The following SPAG16 variants were observed in gnomAD, a reference collection of about 807,000 sequenced individuals.
SPAG16 encodes the protein sperm associated antigen 16.
SPAG16 carries 86 observed loss-of-function variants against 80.4 expected under a neutral mutation model. The observed-to-expected ratio is 1.07, with a 90% CI of 0.90 to 1.28. The LOEUF is 1.28. Ranked by LOEUF, SPAG16 falls within the 50% of genes most tolerant of loss-of-function variation. SPAG16 has a pLI of 0.00. For missense variants in SPAG16, 870 were observed against 765.3 expected, an observed-to-expected ratio of 1.14 and a Z score of -1.61; for synonymous variants, 294 against 265.9, an observed-to-expected ratio of 1.11 and a Z score of -1.03.
intron 10 of SPAG16, among the ~76,000 whole-genome samples, chr2:213,861,798 AT>A (rs2075477295): frequency 6.6e-6 from 1 of 152,184 alleles, no homozygotes; most frequent in African/African-American, 2.4e-5. Flanking sequence ...ATAGTGCTTA[AT>A]GTGTTAATCA....
intron 9 of SPAG16, among the ~76,000 whole-genome samples, chr2:213,397,172 A>G (rs1329039430): frequency 1.3e-5 from 2 of 152,158 alleles, no homozygotes; most frequent in Non-Finnish European, 2.9e-5. Flanking sequence ...GTGCTGTTAA[A>G]CACTCACACC....
At chr2:213,303,279 A>T (rs1025204190) in intron 3 of SPAG16, among the ~76,000 whole-genome samples, 2 of 151,708 alleles carry the variant, frequency 1.3e-5, no homozygotes, top group African/African-American at 4.8e-5. Context: ...ATTTTTGAGG[A>T]TACATACTAG....
chr2:213,359,559 G>T (rs1185689717), intron 7 of SPAG16, among the ~76,000 whole-genome samples: 3 of 152,236 alleles, frequency 2.0e-5, no homozygotes, highest in African/African-American at 7.2e-5. Context: ...GCAAGGCTCT[G>T]TGGGCGTCGG....
chr2:214,125,434 GTGAGGT>G (rs763336734), intron 14 of SPAG16, among the ~76,000 whole-genome samples: 3 of 151,526 alleles, frequency 2.0e-5, no homozygotes, highest in Non-Finnish European at 4.4e-5. Context: ...TTTTGGATGT[GTGAGGT>G]TGTAACTTCG....
chr2:213,565,154 A>G (rs975915006), intron 10 of SPAG16, among the ~76,000 whole-genome samples: 1 of 152,188 alleles, frequency 6.6e-6, no homozygotes, highest in East Asian at 1.9e-4. Context: ...AACTAGTTCT[A>G]TTAATTTGTT....
intron 1 of SPAG16, chr2:213,285,865 AT>A: frequency 3.1e-6 from 4 of 1,287,734 alleles, no homozygotes; most frequent in Non-Finnish European, 4.1e-6. Flanking sequence ...TTTAACAACG[AT>A]TTTCATAATT....
rs983740953 is a variant in SPAG16, at chr2:214,238,402, G to A, written c.1720+89136G>A. 4 of 163,864 alleles carry A rather than the reference G, an allele frequency of 2.4e-5. No homozygotes were observed. The South Asian group carries it at 6.1e-4, about 25-fold the overall frequency. The allele number at this position is 163,864 out of a possible 1,614,324, so 10.2% of individuals were successfully genotyped here. A position where few individuals can be genotyped will look rare whatever the true frequency, so the allele number is the denominator to read the frequency against. On this transcript the variant is annotated intron_variant, in intron 15 of 15. Coordinates refer to ENST00000331683, the MANE Select transcript of SPAG16 (RefSeq NM_024532.5). The stretch of plus-strand genomic sequence containing the variant: ...CACTTTATTCAGGGATTATTTTCAT[G>A]CTCAAGATCATTTTGTGAATTATTT...
rs527586091 is a variant in SPAG16, at chr2:213,611,784, T to C, written c.1070+121694T>C. 1.7e-3 allele frequency among the ~76,000 whole-genome samples: 259 copies of C among 152,282 alleles called. 2 individuals are homozygous for C. The highest frequency in any genetic ancestry group is 1.8e-3 in the Admixed American group (27 of 15,296). On this transcript the variant is annotated intron_variant, in intron 10 of 15. Transcript: ENST00000331683. ...TGTAAATGAGAAACACTAGGTTTCA[T>C]TTTGGAGAAGTAAAGACATCTCTTG... is the stretch of plus-strand genomic sequence containing the variant.
chr2:213,448,631 C>T (rs1383671195), intron 9 of SPAG16, among the ~76,000 whole-genome samples: 1 of 152,116 alleles, frequency 6.6e-6, no homozygotes, highest in Non-Finnish European at 1.5e-5. Flanking sequence ...AAGTCAGGGA[C>T]CCAAATGGAG....
intron 14 of SPAG16, among the ~76,000 whole-genome samples, chr2:214,127,826 C>T (rs1374511731): frequency 6.6e-6 from 1 of 151,792 alleles, no homozygotes; most frequent in African/African-American, 2.4e-5. Flanking sequence ...ATCATGTTTT[C>T]AAAACTCTTT....
chr2:213,935,997 GA>G (rs1300860641), intron 12 of SPAG16, among the ~76,000 whole-genome samples: 1 of 151,398 alleles, frequency 6.6e-6, no homozygotes, highest in Non-Finnish European at 1.5e-5. Context: ...TTTTGTAGAG[GA>G]AAACTAGAGC....
intron 12 of SPAG16, among the ~76,000 whole-genome samples, chr2:213,960,653 C>A (rs1046046740): frequency 6.6e-6 from 1 of 152,064 alleles, no homozygotes; most frequent in Non-Finnish European, 1.5e-5. Context: ...CTGTTTTGAC[C>A]CTGCACCTTT....
intron 10 of SPAG16, among the ~76,000 whole-genome samples, chr2:213,624,475 G>A (rs1056648898): frequency 6.6e-6 from 1 of 151,746 alleles, no homozygotes; most frequent in African/African-American, 2.4e-5. Flanking sequence ...CAGTAGAAAA[G>A]TTTTAACAGA....
chr2:213,401,086 G>A (rs974357915), intron 9 of SPAG16, among the ~76,000 whole-genome samples: 5 of 152,180 alleles, frequency 3.3e-5, no homozygotes, highest in African/African-American at 1.2e-4. Context: ...TGAGATTACA[G>A]GTGTGAGCCA....
chr2:213,985,382 G>A (rs559488351), intron 12 of SPAG16, among the ~76,000 whole-genome samples: 19 of 152,070 alleles, frequency 1.2e-4, no homozygotes, highest in Non-Finnish European at 2.1e-4. Context: ...TGATACTGAG[G>A]ATAATTCTAT....
intron 15 of SPAG16, among the ~76,000 whole-genome samples, chr2:214,200,625 A>G (rs2057982922): frequency 6.6e-6 from 1 of 152,080 alleles, no homozygotes; most frequent in African/African-American, 2.4e-5. Flanking sequence ...GTGTGCTGAG[A>G]TTGCACCACT....
chr2:213,574,670 T>C (rs2060054704), intron 10 of SPAG16, among the ~76,000 whole-genome samples: 2 of 148,304 alleles, frequency 1.3e-5, no homozygotes, highest in Admixed American at 1.4e-4. Flanking sequence ...ATATATGATA[T>C]ATATATGATA....
At chr2:214,199,004 C>G (rs1241953376) in intron 15 of SPAG16, among the ~76,000 whole-genome samples, 2 of 151,948 alleles carry the variant, frequency 1.3e-5, no homozygotes, top group African/African-American at 2.4e-5. Context: ...GGATAGTGGC[C>G]CTTTGTCAGA....
intron 10 of SPAG16, among the ~76,000 whole-genome samples, chr2:213,493,796 A>C (rs2074364531): frequency 6.6e-6 from 1 of 152,066 alleles, no homozygotes; most frequent in South Asian, 2.1e-4. Flanking sequence ...AGTTGTTTAA[A>C]AATTTTTTTT....
Sources: allele counts gnomAD v4.1 joint callset (sites outside exome capture counted in the v4.1 genomes callset), GRCh38; gene constraint gnomAD v4.1.1; transcripts MANE v1.5; gene names NCBI Gene and HGNC (gene_info 2026-07-23, HGNC 2026-07-21).